RNF169: variants seen among roughly 807,000 people sequenced by gnomAD.
The protein encoded by RNF169 is E3 ubiquitin-protein ligase RNF169.
A neutral mutation model predicts 53.9 loss-of-function variants in RNF169; 24 were observed. That is an observed-to-expected ratio of 0.45 (90% CI 0.32 to 0.63). RNF169 has a LOEUF of 0.63. RNF169 is among the 20% of genes least tolerant of loss of function. RNF169 has a pLI of 0.04. For synonymous variants in RNF169, 396 were observed against 363.5 expected, an observed-to-expected ratio of 1.09 and a Z score of -1.02; for missense variants, 883 against 906.2, an observed-to-expected ratio of 0.97 and a Z score of 0.33.
At chr11:74,787,370 C>A (rs1455224145) in intron 1 of RNF169, among the ~76,000 whole-genome samples, 2 of 152,044 alleles carry the variant, frequency 1.3e-5, no homozygotes, top group Non-Finnish European at 2.9e-5. Flanking sequence ...CATTTCATAT[C>A]AAAGGAAATG....
intron 2 of RNF169, among the ~76,000 whole-genome samples, chr11:74,809,050 T>C (rs2035840110): frequency 1.3e-5 from 2 of 152,304 alleles, no homozygotes; most frequent in South Asian, 4.1e-4. Context: ...CCTATAGAAA[T>C]CAGAAACATA....
intron 2 of RNF169, among the ~76,000 whole-genome samples, chr11:74,792,693 G>A (rs1248374692): frequency 6.6e-6 from 1 of 152,208 alleles, no homozygotes; most frequent in East Asian, 1.9e-4. Flanking sequence ...GAGCCACCAT[G>A]CCTGGCAAGA....
At chr11:74,833,900 C>T (rs1213024305) in intron 4 of RNF169, among the ~76,000 whole-genome samples, 2 of 152,058 alleles carry the variant, frequency 1.3e-5, no homozygotes, top group Non-Finnish European at 2.9e-5. Flanking sequence ...AGTTGGACTC[C>T]AACTTCACAC....
intron 3 of RNF169, among the ~76,000 whole-genome samples, chr11:74,811,118 A>T (rs948454744): frequency 2.0e-5 from 3 of 152,134 alleles, no homozygotes; most frequent in Non-Finnish European, 4.4e-5. Flanking sequence ...GACAGGCAAG[A>T]TAGCAGAGTG....
At chr11:74,809,026 T>G (rs551253585) in intron 2 of RNF169, among the ~76,000 whole-genome samples, 1 of 152,300 alleles carries the variant, frequency 6.6e-6, no homozygotes, top group Non-Finnish European at 1.5e-5. Context: ...TAGTTCAGGC[T>G]TACAAAAATC....
intron 1 of RNF169, among the ~76,000 whole-genome samples, chr11:74,771,033 T>C (rs557019348): frequency 1.3e-5 from 2 of 152,002 alleles, no homozygotes; most frequent in Admixed American, 6.6e-5. Flanking sequence ...TCCCGAACTC[T>C]TGACCTCAGG....
chr11:74,822,335 T>A (rs1405946995), intron 4 of RNF169, among the ~76,000 whole-genome samples: 1 of 152,220 alleles, frequency 6.6e-6, no homozygotes, highest in African/African-American at 2.4e-5. Context: ...ATGTTTATAC[T>A]GGCTAACCCT....
rs567492116 is a variant in RNF169, at chr11:74,825,876, T to A, written c.842+8162T>A. Among the ~76,000 whole-genome samples the A allele has an allele frequency of 5.3e-5, 8 of 152,242 alleles. No individual in the cohort carries two copies. The East Asian group carries it at 1.5e-3, about 29-fold the overall frequency. On this transcript the variant is annotated intron_variant, in intron 4 of 5. Transcript: ENST00000299563. The stretch of plus-strand genomic sequence containing the variant: ...AAAGAACGGCCCGAGACTAGGTAAT[T>A]TATAAAGAAAAGAAGTTTAATTGAC...
Position 74,790,790 on chromosome 11 carries a change from G to A in RNF169, c.576+1091G>A, listed in dbSNP as rs116882785. On this transcript the variant is annotated intron_variant, in intron 2 of 5. Coordinates refer to ENST00000299563, the MANE Select transcript of RNF169 (RefSeq NM_001098638.2). ...GCTTCCACTGCTGGCACTGGGGAAC[G>A]TGGTAGTGACTGGAAGCTTGGAGAT... is the stretch of plus-strand genomic sequence containing the variant. Among the ~76,000 whole-genome samples, 162 of 152,322 alleles carry A rather than the reference G, an allele frequency of 1.1e-3. 1 individual carries two copies. In the East Asian group the frequency reaches 0.03, roughly 28 times the overall value.
chr11:74,820,101 C>T (rs754786340), intron 4 of RNF169, among the ~76,000 whole-genome samples: 1 of 151,992 alleles, frequency 6.6e-6, no homozygotes, highest in Non-Finnish European at 1.5e-5. Context: ...GAAATAGGTA[C>T]CCTTCCTTAA....
At position 74,836,762 on chromosome 11, in the gene RNF169, G is replaced by A. The variant is rs377626198; in HGVS notation, c.*32G>A. On this transcript the variant is annotated 3_prime_UTR_variant, in exon 6 of 6. Transcript: ENST00000299563. ...ATGAAGTGTTACCTATTTTTAAAAG[G>A]TCTTAGGCCTTGATCATTTATCCTG... is the stretch of plus-strand genomic sequence containing the variant. 15 of 1,505,870 alleles carry A rather than the reference G, an allele frequency of 1.0e-5. No homozygotes were observed. Among genetic ancestry groups the A allele is most frequent in the African/African-American group, 2.8e-5 (2 of 72,518 alleles). 93.3% of individuals were successfully genotyped at this position (1,505,870 alleles called of 1,614,324 possible).
At chr11:74,827,698 T>G (rs2036119014) in intron 4 of RNF169, among the ~76,000 whole-genome samples, 1 of 152,150 alleles carries the variant, frequency 6.6e-6, no homozygotes, top group South Asian at 2.1e-4. Flanking sequence ...ATAAATGTGA[T>G]TCTTCACATA....
At chr11:74,774,237 T>C (rs2035299124) in intron 1 of RNF169, among the ~76,000 whole-genome samples, 1 of 151,470 alleles carries the variant, frequency 6.6e-6, no homozygotes, top group Non-Finnish European at 1.5e-5. Flanking sequence ...TCCCGGCTGC[T>C]CAGGAGGCTG....
chr11:74,758,628 A>C (rs1172672028), intron 1 of RNF169, among the ~76,000 whole-genome samples: 1 of 150,784 alleles, frequency 6.6e-6, no homozygotes, highest in Non-Finnish European at 1.5e-5. Flanking sequence ...CAGCCTCCCA[A>C]GTAGCTGGGA....
chr11:74,836,714 T>A lies in RNF169; in HGVS notation c.2111T>A (p.Met704Lys). The A allele has an allele frequency of 6.2e-7, 1 of 1,609,590 alleles. No individual in the cohort carries two copies. Among genetic ancestry groups the A allele is most frequent in the Non-Finnish European group, 8.5e-7 (1 of 1,178,832 alleles). ...CAGTATCTCCTACGGTCCAGCAACA[T>A]GGCCGGGGCCAAGTAGCACCTAATG... ...VDQYLLRSSN[M>K]AGAK Residue 704 changes from methionine to lysine, a missense_variant, in exon 6 of 6, where the codon ATG becomes AAG. Met to Lys is a moderately conservative substitution (Grantham distance 95). Transcript: ENST00000299563.
intron 1 of RNF169, among the ~76,000 whole-genome samples, chr11:74,783,217 A>G (rs2035442827): frequency 6.6e-6 from 1 of 151,770 alleles, no homozygotes; most frequent in Non-Finnish European, 1.5e-5. Context: ...GCAATTAGCA[A>G]CATGCCTATC....
intron 1 of RNF169, among the ~76,000 whole-genome samples, chr11:74,771,807 C>G (rs986064923): frequency 6.6e-6 from 1 of 151,836 alleles, no homozygotes; most frequent in African/African-American, 2.4e-5. Flanking sequence ...GATCCCAATA[C>G]TTTGGGAGGC....
intron 2 of RNF169, among the ~76,000 whole-genome samples, chr11:74,801,737 T>G (rs1236274402): frequency 6.6e-6 from 1 of 152,216 alleles, no homozygotes; most frequent in African/African-American, 2.4e-5. Flanking sequence ...ACTGGAGCCT[T>G]GGCAACATAG....
chr11:74,752,415 G>T (rs1013777871), intron 1 of RNF169, among the ~76,000 whole-genome samples: 2 of 151,602 alleles, frequency 1.3e-5, no homozygotes, highest in African/African-American at 4.8e-5. Context: ...TGGCTAACAT[G>T]GTGAAACCTT....
Sources: allele counts gnomAD v4.1 joint callset (sites outside exome capture counted in the v4.1 genomes callset), GRCh38; gene constraint gnomAD v4.1.1; transcripts MANE v1.5; gene names NCBI Gene and HGNC (gene_info 2026-07-23, HGNC 2026-07-21).